Variants in ADGRE5 observed in about 807,000 individuals in gnomAD.
ADGRE5 encodes CD97 molecule.
In ADGRE5, 72 loss-of-function variants were observed where a neutral mutation model predicts 100.3. The ratio of observed to expected loss-of-function variants is 0.72; its 90% CI spans 0.59 to 0.87. The LOEUF (loss-of-function observed/expected upper bound fraction) is 0.87. ADGRE5 is among the 40% of genes least tolerant of loss of function. The pLI is 0.00. For synonymous variants in ADGRE5, 439 were observed against 447.8 expected (o/e 0.98, Z 0.25); for missense variants, 959 against 1,094.7 (o/e 0.88, Z 1.75).
At chr19:14,405,547 C>T (rs1288057101) in intron 13 of ADGRE5, 2 of 538,382 alleles carry the variant, frequency 3.7e-6, no homozygotes, top group Non-Finnish European at 6.5e-6. Context: ...GCCTGTGGTC[C>T]AGGCCAAAGG....
At chr19:14,404,700 T>G (rs1366421917) in intron 13 of ADGRE5, 138 bp downstream of exon 13, 2 of 761,772 alleles carry the variant, frequency 2.6e-6, no homozygotes, top group Non-Finnish European at 4.2e-6. Flanking sequence ...TGTCCCCACG[T>G]CACACCCTTC....
rs764040811 is a variant in ADGRE5 at position 14,408,081 on chromosome 19, C to G, written c.2479-11C>G. On this transcript the variant is annotated splice_polypyrimidine_tract_variant and intron_variant, in intron 19 of 19. Coordinates refer to ENST00000242786, the MANE Select transcript of ADGRE5 (RefSeq NM_078481.4). ...CTAGCGGGGCTCAGGCCTCTGGGCTCTCCTCTCCAGGCCCTCAGGGCATCA... is the reference window on the plus strand; with the variant it reads ...CTAGCGGGGCTCAGGCCTCTGGGCTGTCCTCTCCAGGCCCTCAGGGCATCA... 12 of 1,614,006 alleles carry G rather than the reference C, an allele frequency of 7.4e-6. No homozygotes were observed. The South Asian group carries it at 1.2e-4, about 16-fold the overall frequency.
intron 4 of ADGRE5, among the ~76,000 whole-genome samples, chr19:14,392,088 A>C (rs1975619922): frequency 8.7e-6 from 1 of 115,424 alleles, no homozygotes; most frequent in Admixed American, 1.0e-4. Flanking sequence ...TGGGTGACAG[A>C]GTGAGACTCT....
Position 14,381,469 on chromosome 19 carries a change from G to GACAGCCCTGTCCC in ADGRE5, c.-52_-40dup. ...ACAGCTGCCTAGCCTGTGGAGACGGGACAGCCCTGTCCCACTCACTCTTTC... is the reference window on the plus strand; with the variant it reads ...ACAGCTGCCTAGCCTGTGGAGACGGGACAGCCCTGTCCCACAGCCCTGTCCCACTCACTCTTTC... On this transcript the variant is annotated 5_prime_UTR_variant, in exon 1 of 20. Transcript: ENST00000242786. The GACAGCCCTGTCCC allele has an allele frequency of 6.2e-7, 1 of 1,606,538 alleles. No homozygotes were observed. Among genetic ancestry groups the GACAGCCCTGTCCC allele is most frequent in the Non-Finnish European group, 8.5e-7 (1 of 1,176,798 alleles).
At chr19:14,382,835 C>T (rs1447738263) in intron 1 of ADGRE5, among the ~76,000 whole-genome samples, 3 of 151,892 alleles carry the variant, frequency 2.0e-5, no homozygotes, top group Non-Finnish European at 2.9e-5. Flanking sequence ...TCGCCCCCAT[C>T]CACCCCGAGT....
intron 4 of ADGRE5, among the ~76,000 whole-genome samples, chr19:14,394,539 C>T (rs1466076573): frequency 1.3e-5 from 2 of 152,190 alleles, no homozygotes; most frequent in Non-Finnish European, 2.9e-5. Context: ...GGAACATCCC[C>T]CTGCCCATCT....
chr19:14,391,206 G>T, intron 4 of ADGRE5, 127 bp downstream of exon 4: 5 of 1,217,856 alleles, frequency 4.1e-6, no homozygotes, highest in Admixed American at 2.0e-5. Context: ...AGATGGGACA[G>T]GTGCACATGT....
chr19:14,404,303 C>G, intron 12 of ADGRE5, 80 bp from the exon 13 acceptor site: 9 of 1,334,200 alleles, frequency 6.7e-6, no homozygotes, highest in Non-Finnish European at 9.2e-6. Flanking sequence ...TAAAAAGCAG[C>G]CCTCTTAGAC....
chr19:14,405,871 C>G lies in ADGRE5; in HGVS notation c.1753C>G (p.His585Asp), dbSNP rs1311824334. Reference protein sequence around the residue: ...IQGSRTTIHLHLCICLFVGST... With the variant: ...IQGSRTTIHLDLCICLFVGST... ...GGGCTCGCGCACCACCATACACCTG[C>G]ACCTCTGCATCTGCCTCTTCGTGGG... The change falls in exon 14 of 20, where the codon CAC becomes GAC. Residue 585 changes from histidine to aspartate, a missense_variant. By Grantham distance (81) the His-to-Asp change is moderately conservative. Coordinates refer to ENST00000242786, the MANE Select transcript of ADGRE5 (RefSeq NM_078481.4). The G allele has an allele frequency of 6.2e-7, 1 of 1,612,892 alleles. No homozygotes were observed. Among genetic ancestry groups the G allele is most frequent in the Non-Finnish European group, 8.5e-7 (1 of 1,180,010 alleles).
chr19:14,397,628 A>G lies in ADGRE5; in HGVS notation c.626-30A>G, dbSNP rs371435199. 2.8e-4 allele frequency: 450 copies of G among 1,590,096 alleles called. 2 individuals carry two copies. The African/African-American group carries it at 5.6e-3, about 20-fold the overall frequency. Reference sequence around the variant, plus strand: ...GACAGGACCCTCTCCAGGCTGGGACAGGACCTGACCCCCTTCTTCCTGTCC... The same window carrying G: ...GACAGGACCCTCTCCAGGCTGGGACGGGACCTGACCCCCTTCTTCCTGTCC... On this transcript the variant is annotated intron_variant, in intron 6 of 19. Coordinates refer to ENST00000242786, the MANE Select transcript of ADGRE5 (RefSeq NM_078481.4).
rs781038333 is a variant in ADGRE5 at position 14,397,138 on chromosome 19, CGTG to C, written c.542_544del (p.Val181del). 1.9e-6 allele frequency: 3 copies of C among 1,614,036 alleles called. No homozygotes were observed. Among genetic ancestry groups the C allele is most frequent in the Non-Finnish European group, 2.5e-6 (3 of 1,180,050 alleles). On this transcript the variant is annotated inframe_deletion, in exon 6 of 20. Coordinates refer to ENST00000242786, the MANE Select transcript of ADGRE5 (RefSeq NM_078481.4). The stretch of plus-strand genomic sequence containing the variant: ...ACAGCTCCACCCACTGCCTCAACAA[CGTG>C]GGCAGCTATCAGTGCCGCTGCCGCC...
intron 3 of ADGRE5, among the ~76,000 whole-genome samples, chr19:14,389,783 A>G (rs1975529698): frequency 7.3e-6 from 1 of 137,816 alleles, no homozygotes. Context: ...GAGAAAGAAA[A>G]GTAGGCCCGG....
rs766157144 is a variant in ADGRE5 at position 14,408,021 on chromosome 19, C to T, written c.2478+12C>T. On this transcript the variant is annotated intron_variant, in intron 19 of 19. Transcript: ENST00000242786. Reference sequence around the variant, plus strand: ...ACAATCAGACCCGGGTAAGGGGCTGCGCCTGGGGCGGGTGTGGGCAGGAAG... The same window carrying T: ...ACAATCAGACCCGGGTAAGGGGCTGTGCCTGGGGCGGGTGTGGGCAGGAAG... 46 of 1,613,824 alleles carry T rather than the reference C, an allele frequency of 2.9e-5. No individual in the cohort carries two copies. Among genetic ancestry groups the T allele is most frequent in the East Asian group, 6.7e-5 (3 of 44,896 alleles).
rs1975811908 is a variant in ADGRE5 at position 14,397,189 on chromosome 19, G to A, written c.591G>A (p.Gly197=). 3 of 1,613,720 alleles carry A rather than the reference G, an allele frequency of 1.9e-6. No individual in the cohort carries two copies. Among genetic ancestry groups the A allele is most frequent in the Non-Finnish European group, 2.5e-6 (3 of 1,179,940 alleles). The part of the protein sequence containing the change: ...RCRPGWQPIP[G]SPNGPNNTVC... ...GCCCGGGCTGGCAACCGATTCCGGG[G>A]TCCCCCAATGGCCCAAACAATACCG... The change falls in exon 6 of 20, where the codon GGG becomes GGA. Residue 197 remains glycine, a synonymous_variant. Transcript: ENST00000242786.
intron 1 of ADGRE5, 111 bp downstream of exon 1, chr19:14,381,656 G>A (rs932932079): frequency 2.4e-5 from 31 of 1,289,626 alleles, no homozygotes; most frequent in African/African-American, 2.0e-4. Context: ...TGCGATAGAG[G>A]AAGCCACATG....
rs149873493 is a variant in ADGRE5 at position 14,381,773 on chromosome 19, T to C, written c.22+228T>C. On this transcript the variant is annotated intron_variant, in intron 1 of 19. Transcript: ENST00000242786. ...TGCTCTTGGAGCCTGCTACCCTGCC[T>C]GGAGGGATCCTCAAGCTTTCTACTG... Among the ~76,000 whole-genome samples, 404 of 152,314 alleles carry C rather than the reference T, an allele frequency of 2.7e-3. 2 individuals carry two copies. Among genetic ancestry groups the C allele is most frequent in the African/African-American group, 6.4e-3 (267 of 41,580 alleles).
intron 1 of ADGRE5, among the ~76,000 whole-genome samples, chr19:14,387,899 A>C (rs1363095489): frequency 6.6e-6 from 1 of 151,048 alleles, no homozygotes; most frequent in Non-Finnish European, 1.5e-5. Flanking sequence ...ATATGGTGAA[A>C]CCCTGTCTCT....
chr19:14,399,592 A>C (rs982286540), intron 9 of ADGRE5, among the ~76,000 whole-genome samples: 6 of 146,644 alleles, frequency 4.1e-5, no homozygotes, highest in African/African-American at 1.3e-4. Flanking sequence ...AAAAAAAAAA[A>C]AATTAGCTGG....
At chr19:14,399,421 G>A (rs953043468) in intron 9 of ADGRE5, among the ~76,000 whole-genome samples, 2 of 151,396 alleles carry the variant, frequency 1.3e-5, no homozygotes, top group African/African-American at 4.8e-5. Flanking sequence ...AAAATTAGCC[G>A]GGCGTAGTGG....
Sources: gnomAD v4.1 joint callset for allele counts (sites outside exome capture counted in the v4.1 genomes callset) on GRCh38, gnomAD v4.1.1 for gene constraint, MANE v1.5 for transcripts, NCBI Gene and HGNC (gene_info 2026-07-23, HGNC 2026-07-21) for gene names.